PIP5K1B: variants seen among roughly 807,000 people sequenced by gnomAD.
PIP5K1B encodes the protein phosphatidylinositol-4-phosphate 5-kinase type 1 beta.
In PIP5K1B, 42 loss-of-function variants were observed where a neutral mutation model predicts 67.0. The ratio of observed to expected loss-of-function variants is 0.63; its 90% CI spans 0.49 to 0.81. PIP5K1B has a LOEUF of 0.81. Ranked by LOEUF, PIP5K1B falls within the 30% of genes least tolerant of loss-of-function variation. The pLI, the probability that PIP5K1B is intolerant of heterozygous loss-of-function variation, is 0.00. For missense variants in PIP5K1B, 459 were observed against 646.3 expected (o/e 0.71, Z 3.14); for synonymous variants, 214 against 231.4 (o/e 0.92, Z 0.68).
chr9:68,815,750 A>G (rs1201537928), intron 2 of PIP5K1B, among the ~76,000 whole-genome samples: 1 of 152,132 alleles, frequency 6.6e-6, no homozygotes, highest in Admixed American at 6.5e-5. Context: ...GTTGTTCAAT[A>G]TCACTTATGA....
At chr9:68,920,359 CTTTTTTTTTT>C (rs5898051) in intron 11 of PIP5K1B, among the ~76,000 whole-genome samples, 1 of 98,308 alleles carries the variant, frequency 1.0e-5, no homozygotes, top group African/African-American at 3.6e-5. Context: ...CTGAGGTTGT[CTTTTTTTTTT>C]TTTTTTTTTT....
At chr9:68,987,743 T>A (rs1047911529) in intron 14 of PIP5K1B, among the ~76,000 whole-genome samples, 4 of 152,164 alleles carry the variant, frequency 2.6e-5, no homozygotes, top group Non-Finnish European at 5.9e-5. Context: ...CTAAAGGCAC[T>A]TCTTACATGG....
chr9:68,901,021 T>C (rs1332679504), intron 8 of PIP5K1B, among the ~76,000 whole-genome samples: 1 of 152,252 alleles, frequency 6.6e-6, no homozygotes, highest in Non-Finnish European at 1.5e-5. Context: ...CTTTTTACAT[T>C]TTGTTCAGAC....
chr9:68,814,363 G>A (rs898797677), intron 2 of PIP5K1B, among the ~76,000 whole-genome samples: 2 of 152,132 alleles, frequency 1.3e-5, no homozygotes, highest in Non-Finnish European at 2.9e-5. Flanking sequence ...AATAAGTATA[G>A]TAACAACAAA....
chr9:68,975,635 A>G (rs1365498743), intron 14 of PIP5K1B, among the ~76,000 whole-genome samples: 5 of 152,174 alleles, frequency 3.3e-5, no homozygotes, highest in Admixed American at 2.6e-4. Flanking sequence ...CATGAACTGG[A>G]TGGCTTAAAC....
chr9:68,863,776 G>A lies in PIP5K1B; in HGVS notation c.70-61G>A, dbSNP rs192923394. 7.4e-6 allele frequency: 11 copies of A among 1,481,584 alleles called. No homozygotes were observed. In the East Asian group the frequency reaches 2.3e-4, roughly 31 times the overall value. 91.8% of individuals were successfully genotyped at this position (1,481,584 alleles called of 1,614,324 possible). On this transcript the variant is annotated intron_variant, in intron 4 of 15. Coordinates refer to ENST00000265382, the MANE Select transcript of PIP5K1B (RefSeq NM_003558.4). ...GAACCTCACTCATGTTTTGTTGCCT[G>A]TACCATTGAACAAGGCCCTGACTGT... is the stretch of plus-strand genomic sequence containing the variant.
intron 14 of PIP5K1B, among the ~76,000 whole-genome samples, chr9:68,980,827 C>G (rs891280514): frequency 2.0e-5 from 3 of 152,114 alleles, no homozygotes; most frequent in Non-Finnish European, 4.4e-5. Flanking sequence ...TAACATGAAG[C>G]AGCCTAAAAT....
Position 68,883,452 on chromosome 9 carries a change from C to T in PIP5K1B, c.319-5529C>T, listed in dbSNP as rs189502270. On this transcript the variant is annotated intron_variant, in intron 6 of 15. Transcript: ENST00000265382. Reference sequence around the variant, plus strand: ...AGTGGACGATCAAAGTTGCCAATGACTTAGGAAGCCAGCAGACACTTGCTT... The same window carrying T: ...AGTGGACGATCAAAGTTGCCAATGATTTAGGAAGCCAGCAGACACTTGCTT... Among the ~76,000 whole-genome samples, 405 of 152,320 alleles carry T rather than the reference C, an allele frequency of 2.7e-3. 1 individual carries two copies. The highest frequency in any genetic ancestry group is 9.1e-3 in the African/African-American group (380 of 41,574).
chr9:68,814,678 G>C lies in PIP5K1B; in HGVS notation c.-85-3783G>C, dbSNP rs571675880. ...ACAAAAAAATTTAAAAAATTAGCCA[G>C]GTGTGGTGGCGTGCACCGGTAATCC... On this transcript the variant is annotated intron_variant, in intron 2 of 15. Coordinates refer to ENST00000265382, the MANE Select transcript of PIP5K1B (RefSeq NM_003558.4). Among the ~76,000 whole-genome samples, 9 of 152,148 alleles carry C rather than the reference G, an allele frequency of 5.9e-5. No homozygotes were observed. The South Asian group carries it at 1.9e-3, about 32-fold the overall frequency.
intron 2 of PIP5K1B, among the ~76,000 whole-genome samples, chr9:68,797,796 TA>T (rs1462891860): frequency 6.6e-6 from 1 of 151,682 alleles, no homozygotes; most frequent in African/African-American, 2.4e-5. Flanking sequence ...CAAAATGTGA[TA>T]AAGATCACTG....
intron 1 of PIP5K1B, among the ~76,000 whole-genome samples, chr9:68,733,028 C>G (rs941273310): frequency 1.3e-5 from 2 of 152,062 alleles, no homozygotes; most frequent in African/African-American, 2.4e-5. Flanking sequence ...TTGGTGCCCT[C>G]TTCCTCATAG....
chr9:68,817,299 C>T (rs972177419), intron 2 of PIP5K1B, among the ~76,000 whole-genome samples: 3 of 152,214 alleles, frequency 2.0e-5, no homozygotes, highest in Non-Finnish European at 4.4e-5. Context: ...TCAACCTTTG[C>T]ACCGGAAAGA....
chr9:68,970,425 A>G (rs997409228), intron 14 of PIP5K1B, among the ~76,000 whole-genome samples: 3 of 152,220 alleles, frequency 2.0e-5, no homozygotes, highest in African/African-American at 7.2e-5. Flanking sequence ...TGTTCCTGGC[A>G]ATTAGTAGGA....
At chr9:68,852,074 C>T (rs899331840) in intron 4 of PIP5K1B, among the ~76,000 whole-genome samples, 1 of 151,942 alleles carries the variant, frequency 6.6e-6, no homozygotes, top group Non-Finnish European at 1.5e-5. Context: ...AGGTGAGGGG[C>T]AAGGGGAGGG....
At chr9:68,885,947 C>T (rs1824448798) in intron 6 of PIP5K1B, among the ~76,000 whole-genome samples, 1 of 152,126 alleles carries the variant, frequency 6.6e-6, no homozygotes, top group Non-Finnish European at 1.5e-5. Context: ...TTTGGGAGGG[C>T]GAGGCCGGCG....
chr9:68,751,427 G>A lies in PIP5K1B; in HGVS notation c.-86+8770G>A, dbSNP rs1475775014. Among the ~76,000 whole-genome samples the A allele has an allele frequency of 3.1e-4, 47 of 152,326 alleles. 1 individual carries two copies. Among genetic ancestry groups the A allele is most frequent in the Admixed American group, 3.0e-3 (46 of 15,302 alleles). On this transcript the variant is annotated intron_variant, in intron 2 of 15. Coordinates refer to ENST00000265382, the MANE Select transcript of PIP5K1B (RefSeq NM_003558.4). ...AGAAGGGTCTGCATAGAGAACCTAT[G>A]AATTGATCTCTTGTGAGCTTAGGCT...
chr9:68,919,792 A>G (rs1446044478), intron 11 of PIP5K1B, 63 bp downstream of exon 11: 5 of 905,088 alleles, frequency 5.5e-6, no homozygotes, highest in Non-Finnish European at 7.1e-6. Flanking sequence ...ACTTCAGAGT[A>G]TGTGCAGGAA....
chr9:68,870,707 A>G (rs918476697), intron 5 of PIP5K1B, among the ~76,000 whole-genome samples: 2 of 152,228 alleles, frequency 1.3e-5, no homozygotes, highest in Admixed American at 6.5e-5. Flanking sequence ...AGCTTTCCTA[A>G]TGTCTGCACA....
At chr9:68,919,790 G>A in intron 11 of PIP5K1B, 61 bp downstream of exon 11, 1 of 924,072 alleles carries the variant, frequency 1.1e-6, no homozygotes, top group South Asian at 1.5e-5. Context: ...AGACTTCAGA[G>A]TATGTGCAGG....
Sources: gnomAD v4.1 joint callset for allele counts (sites outside exome capture counted in the v4.1 genomes callset) on GRCh38, gnomAD v4.1.1 for gene constraint, MANE v1.5 for transcripts, NCBI Gene and HGNC (gene_info 2026-07-23, HGNC 2026-07-21) for gene names.